Variants in CSMD1 observed in about 807,000 individuals in gnomAD.
CSMD1 encodes the protein CUB and Sushi multiple domains 1.
CSMD1 carries 213 observed loss-of-function variants against 417.5 expected under a neutral mutation model. That is an observed-to-expected ratio of 0.51 (90% confidence interval 0.46 to 0.57). The LOEUF (loss-of-function observed/expected upper bound fraction) is 0.57, where lower values mean the gene tolerates loss of function less well. CSMD1 is among the 20% of genes least tolerant of loss of function. The probability of loss-of-function intolerance (pLI) is 0.00; values close to 1 mark genes in which losing one functional copy is unlikely to be tolerated. For synonymous variants in CSMD1, 2,862 were observed against 1,736.8 expected (o/e 1.65, Z -16.11); for missense variants, 6,923 against 4,529.7 (o/e 1.53, Z -15.17).
chr8:4,419,891 T>C (rs1347095630), intron 3 of CSMD1, 62 bp downstream of exon 3: 1 of 1,102,132 alleles, frequency 9.1e-7, no homozygotes. Context: ...ATTAATCCAG[T>C]GTAGCATGTA....
chr8:3,983,607 A>G (rs557678772), intron 5 of CSMD1, among the ~76,000 whole-genome samples: 1 of 152,292 alleles, frequency 6.6e-6, no homozygotes, highest in East Asian at 1.9e-4. Flanking sequence ...CATAAACCCC[A>G]TTTATCAAAC....
At chr8:4,042,898 T>C (rs1439530817) in intron 3 of CSMD1, among the ~76,000 whole-genome samples, 1 of 117,442 alleles carries the variant, frequency 8.5e-6, no homozygotes, top group East Asian at 2.7e-4. Flanking sequence ...GAGGCTGAGG[T>C]GGGAAGATTA....
chr8:3,511,448 G>T (rs1797063248), intron 10 of CSMD1, among the ~76,000 whole-genome samples: 1 of 151,664 alleles, frequency 6.6e-6, no homozygotes, highest in Non-Finnish European at 1.5e-5. Flanking sequence ...CAAAAGAAGA[G>T]AAGGTTTACT....
intron 12 of CSMD1, among the ~76,000 whole-genome samples, chr8:3,424,773 C>G (rs892069639): frequency 6.6e-6 from 1 of 152,114 alleles, no homozygotes; most frequent in African/African-American, 2.4e-5. Context: ...TTCAAGGAAC[C>G]CTTATTTGAC....
At chr8:4,200,350 G>A (rs549022108) in intron 3 of CSMD1, among the ~76,000 whole-genome samples, 3 of 151,956 alleles carry the variant, frequency 2.0e-5, no homozygotes, top group Non-Finnish European at 4.4e-5. Flanking sequence ...AGTCTGCTTA[G>A]CAAAGCATGA....
At chr8:4,752,222 T>G (rs1811376919) in intron 1 of CSMD1, among the ~76,000 whole-genome samples, 1 of 152,188 alleles carries the variant, frequency 6.6e-6, no homozygotes, top group African/African-American at 2.4e-5. Flanking sequence ...CTATCATATC[T>G]TAATTTTTTT....
At chr8:4,947,792 A>G (rs1245999197) in intron 1 of CSMD1, among the ~76,000 whole-genome samples, 1 of 152,096 alleles carries the variant, frequency 6.6e-6, no homozygotes, top group Admixed American at 6.6e-5. Flanking sequence ...TTCAAACAAA[A>G]ATATGTTTCT....
At chr8:3,662,522 T>C (rs114440135) in intron 7 of CSMD1, among the ~76,000 whole-genome samples, 5 of 152,214 alleles carry the variant, frequency 3.3e-5, no homozygotes, top group Admixed American at 6.5e-5. Context: ...GTCTTTATAG[T>C]AGAATGACTT....
chr8:4,764,513 G>C (rs991584761), intron 1 of CSMD1, among the ~76,000 whole-genome samples: 6 of 152,180 alleles, frequency 3.9e-5, no homozygotes, highest in African/African-American at 1.2e-4. Flanking sequence ...CCAAGGAATG[G>C]AATTCTTCAA....
chr8:4,508,610 C>T (rs1316569361), intron 2 of CSMD1, among the ~76,000 whole-genome samples: 1 of 151,912 alleles, frequency 6.6e-6, no homozygotes, highest in Non-Finnish European at 1.5e-5. Context: ...ATAAATGAGT[C>T]AGGAGATTGG....
chr8:3,877,429 G>A (rs1236005530), intron 5 of CSMD1, among the ~76,000 whole-genome samples: 2 of 152,170 alleles, frequency 1.3e-5, no homozygotes, highest in Admixed American at 6.5e-5. Context: ...GGAGTCTAGC[G>A]TTCCAGATGA....
chr8:3,032,500 G>C (rs973806592), intron 50 of CSMD1, among the ~76,000 whole-genome samples: 1 of 151,942 alleles, frequency 6.6e-6, no homozygotes, highest in African/African-American at 2.4e-5. Context: ...CCTTTATCTT[G>C]GTCCAATAAA....
intron 3 of CSMD1, among the ~76,000 whole-genome samples, chr8:4,276,466 G>A (rs796277850): frequency 1.3e-5 from 2 of 152,234 alleles, no homozygotes; most frequent in East Asian, 3.9e-4. Context: ...ACACACCAGG[G>A]CCTGTCAGGA....
At chr8:4,041,316 C>G (rs926747562) in intron 3 of CSMD1, among the ~76,000 whole-genome samples, 4 of 152,130 alleles carry the variant, frequency 2.6e-5, no homozygotes, top group African/African-American at 9.7e-5. Flanking sequence ...CGCGCCTGGC[C>G]GGGCCTTTGC....
At chr8:4,959,806 C>A (rs1422639090) in intron 1 of CSMD1, among the ~76,000 whole-genome samples, 2 of 152,148 alleles carry the variant, frequency 1.3e-5, no homozygotes, top group Admixed American at 1.3e-4. Context: ...ATGATTTTCC[C>A]AGATATCCAC....
Position 4,962,341 on chromosome 8 carries a change from G to A in CSMD1, c.85+31991C>T, listed in dbSNP as rs1382046546. On this transcript the variant is annotated intron_variant, in intron 1 of 69. Transcript: ENST00000635120. ...GCTTCCCATCTTTGCCTCCCAATTA[G>A]CTAGGACTACAGGTGCAAGCCATCT... is the stretch of plus-strand genomic sequence containing the variant. Among the ~76,000 whole-genome samples, 4 of 152,074 alleles carry A rather than the reference G, an allele frequency of 2.6e-5. No individual in the cohort carries two copies. The East Asian group carries it at 7.8e-4, about 29-fold the overall frequency.
chr8:4,423,556 A>G (rs1417654029), intron 2 of CSMD1, among the ~76,000 whole-genome samples: 1 of 152,096 alleles, frequency 6.6e-6, no homozygotes, highest in Non-Finnish European at 1.5e-5. Flanking sequence ...AAGAAATGCT[A>G]AATAAATGGA....
intron 6 of CSMD1, among the ~76,000 whole-genome samples, chr8:3,728,788 G>A (rs931518896): frequency 2.0e-5 from 3 of 152,180 alleles, no homozygotes; most frequent in Non-Finnish European, 4.4e-5. Flanking sequence ...CAAATATGAG[G>A]TTTATTCAGC....
intron 50 of CSMD1, among the ~76,000 whole-genome samples, chr8:3,030,569 C>T (rs1315536375): frequency 3.9e-5 from 6 of 152,082 alleles, no homozygotes; most frequent in East Asian, 3.9e-4. Context: ...CTCTACCTCC[C>T]GGGTTCAAGC....
Sources: allele counts gnomAD v4.1 joint callset (sites outside exome capture counted in the v4.1 genomes callset), GRCh38; gene constraint gnomAD v4.1.1; transcripts MANE v1.5; gene names NCBI Gene and HGNC (gene_info 2026-07-23, HGNC 2026-07-21).